A2ML1: variants seen among roughly 807,000 people sequenced by gnomAD.
The protein encoded by A2ML1 is alpha-2-macroglobulin-like protein 1.
Under a neutral mutation model 181.9 loss-of-function variants are expected in A2ML1, and 161 were observed. The observed-to-expected ratio is 0.89, with a 90% confidence interval of 0.78 to 1.01. The LOEUF (loss-of-function observed/expected upper bound fraction) is 1.01, where lower values mean the gene tolerates loss of function less well. A2ML1 is among the 50% of genes least tolerant of loss of function. The pLI, the probability that A2ML1 is intolerant of heterozygous loss-of-function variation, is 0.00. For missense variants in A2ML1, 1,670 were observed against 1,768.1 expected, an observed-to-expected ratio of 0.94 and a Z score of 1.00; for synonymous variants, 663 against 666.8, an observed-to-expected ratio of 0.99 and a Z score of 0.09.
At chr12:8,883,724 C>CA (rs1321946224) in intron 7 of A2ML1, among the ~76,000 whole-genome samples, 1 of 151,150 alleles carries the variant, frequency 6.6e-6, no homozygotes, top group East Asian at 2.0e-4. Flanking sequence ...GTGATCTGCC[C>CA]ACCTCGGCCT....
At chr12:8,858,141 T>G (rs1317532633) in intron 26 of A2ML1, 39 bp downstream of exon 26, 1 of 1,599,746 alleles carries the variant, frequency 6.3e-7, no homozygotes, top group East Asian at 2.2e-5. Context: ...AACCACTGTC[T>G]CGAAGGACCC....
chr12:8,826,597 G>A (rs1283115913), intron 3 of A2ML1, among the ~76,000 whole-genome samples: 3 of 151,992 alleles, frequency 2.0e-5, no homozygotes, highest in Admixed American at 6.6e-5. Context: ...ACAGGCATGC[G>A]CCACCATGCC....
chr12:8,851,754 T>G, intron 18 of A2ML1, 30 bp from the exon 19 acceptor site: 1 of 1,609,698 alleles, frequency 6.2e-7, no homozygotes, highest in Non-Finnish European at 8.5e-7. Flanking sequence ...ACGCTACCTC[T>G]GCCTCATGTT....
At chr12:8,863,472 C>G (rs533515832) in intron 28 of A2ML1, among the ~76,000 whole-genome samples, 1 of 152,158 alleles carries the variant, frequency 6.6e-6, no homozygotes, top group Middle Eastern at 3.4e-3. Flanking sequence ...AAAATTGCCC[C>G]CAAACACAGA....
At chr12:8,884,231 G>GTTTTTTTTTTTTTTTTTT (rs796251871) in intron 7 of A2ML1, among the ~76,000 whole-genome samples, 2 of 121,552 alleles carry the variant, frequency 1.6e-5, no homozygotes, top group Non-Finnish European at 3.5e-5. Context: ...TTTATTTTTT[G>GTTTTTTTTTTTTTTTTTT]TTTTTTTTTG....
chr12:8,851,506 A>G (rs1242506838), intron 18 of A2ML1, among the ~76,000 whole-genome samples: 1 of 151,970 alleles, frequency 6.6e-6, no homozygotes, highest in Admixed American at 6.6e-5. Flanking sequence ...CCTGGGCTCA[A>G]GCAATCCTCC....
Position 8,841,394 on chromosome 12 carries a change from CCT to C in A2ML1, c.1107_1108del (p.Phe370ProfsTer24). On this transcript the variant is annotated frameshift_variant, in exon 11 of 36. Coordinates refer to ENST00000299698, the MANE Select transcript of A2ML1 (RefSeq NM_144670.6). LOFTEE classifies it high-confidence loss of function. ...ATAAGAGTTAGGGGCCATGATGACT[CCT>C]TCCTCAAGAACCATCTAGTGTTTCT... 2 of 1,614,136 alleles carry C rather than the reference CCT, an allele frequency of 1.2e-6. No individual in the cohort carries two copies. Among genetic ancestry groups the C allele is most frequent in the Non-Finnish European group, 1.7e-6 (2 of 1,180,030 alleles).
rs761793377 is a variant in A2ML1, at chr12:8,837,647, C to T, written c.855+81C>T. 55 of 1,427,028 alleles carry T rather than the reference C, an allele frequency of 3.9e-5. 1 individual carries two copies. Among genetic ancestry groups the T allele is most frequent in the African/African-American group, 7.2e-5 (5 of 69,030 alleles). 88.4% of individuals were successfully genotyped at this position (1,427,028 alleles called of 1,614,324 possible). A position where few individuals can be genotyped will look rare whatever the true frequency, so the allele number is the denominator to read the frequency against. Reference sequence around the variant, plus strand: ...CTGTCATCCCAGCACTTTGGGAGGCCGAGATGGGCGGATCACGAGGTCAGG... The same window carrying T: ...CTGTCATCCCAGCACTTTGGGAGGCTGAGATGGGCGGATCACGAGGTCAGG... On this transcript the variant is annotated intron_variant, in intron 8 of 35. Coordinates refer to ENST00000299698, the MANE Select transcript of A2ML1 (RefSeq NM_144670.6).
At chr12:8,846,318 A>G (rs1943685505) in intron 14 of A2ML1, 96 bp downstream of exon 14, 8 of 1,437,774 alleles carry the variant, frequency 5.6e-6, no homozygotes, top group Non-Finnish European at 7.8e-6. Context: ...CAGGGAAAGA[A>G]GATAGTGTTG....
intron 28 of A2ML1, among the ~76,000 whole-genome samples, chr12:8,863,180 C>T (rs1485759554): frequency 1.3e-5 from 2 of 150,702 alleles, no homozygotes; most frequent in African/African-American, 4.9e-5. Flanking sequence ...GATCTCAGTT[C>T]ACCGCAACCT....
chr12:8,842,426 A>T lies in A2ML1; in HGVS notation c.1249-708A>T, dbSNP rs10743509. Among the ~76,000 whole-genome samples the T allele has an allele frequency of 7.2e-5, 11 of 151,878 alleles. 1 individual carries two copies. Among genetic ancestry groups the T allele is most frequent in the South Asian group, 6.2e-4 (3 of 4,816 alleles). ...AGTAGAGATGGGGTTTCACTGTGTTAGCCAGGATGGTCTCGATCTCCTGAC... is the reference window on the plus strand; with the variant it reads ...AGTAGAGATGGGGTTTCACTGTGTTTGCCAGGATGGTCTCGATCTCCTGAC... On this transcript the variant is annotated intron_variant, in intron 11 of 35. Transcript: ENST00000299698.
chr12:8,856,090 C>T (rs1395967524), intron 23 of A2ML1, among the ~76,000 whole-genome samples: 1 of 152,150 alleles, frequency 6.6e-6, no homozygotes, highest in East Asian at 1.9e-4. Context: ...GGCCTTCTTT[C>T]CTCTTCTGTA....
intron 33 of A2ML1, among the ~76,000 whole-genome samples, chr12:8,870,739 A>G (rs912376404): frequency 1.3e-5 from 2 of 152,030 alleles, no homozygotes; most frequent in African/African-American, 4.8e-5. Context: ...GGAGAGAGAG[A>G]GTGGGTTGTC....
rs547953731 is a variant in A2ML1, at chr12:8,882,027, A to G, written c.*94+1411A>G. Among the ~76,000 whole-genome samples the G allele has an allele frequency of 2.2e-4, 34 of 152,184 alleles. No individual in the cohort carries two copies. In the South Asian group the frequency reaches 6.7e-3, roughly 30 times the overall value. ...CTCTGTCTCAAAAAAAAAAAAGAAA[A>G]AAGTTTGAGAATGTGTAAGTCCTGA... On this transcript the variant is annotated intron_variant and NMD_transcript_variant, in intron 7 of 7. Transcript: ENST00000537475.
rs535927062 is a variant in A2ML1 at position 8,842,996 on chromosome 12, G to A, written c.1249-138G>A. On this transcript the variant is annotated intron_variant, in intron 11 of 35. Transcript: ENST00000299698. ...TTCTTTATCCATCCTTGGCTGGACC[G>A]CTAATGAAATACCCACATGCCATTC... The A allele has an allele frequency of 3.9e-4, 292 of 739,368 alleles. 5 individuals carry two copies. The South Asian group carries it at 4.5e-3, about 11-fold the overall frequency. The allele number at this position is 739,368 out of a possible 1,614,324, so 45.8% of individuals were successfully genotyped here. A position where few individuals can be genotyped will look rare whatever the true frequency, so the allele number is the denominator to read the frequency against.
downstream of A2ML1, among the ~76,000 whole-genome samples, chr12:8,879,663 A>C (rs1029979058): frequency 1.3e-5 from 2 of 152,230 alleles, no homozygotes; most frequent in Non-Finnish European, 2.9e-5. Context: ...TACATCTTAA[A>C]TGATTAGGAA....
intron 5 of A2ML1, 96 bp downstream of exon 5, chr12:8,834,778 T>G: frequency 1.3e-6 from 2 of 1,494,812 alleles, no homozygotes; most frequent in Non-Finnish European, 9.3e-7. Context: ...CTCTGAGATC[T>G]TGGCCCAGAG....
intron 26 of A2ML1, among the ~76,000 whole-genome samples, chr12:8,859,714 G>A (rs1020221312): frequency 6.6e-6 from 1 of 152,014 alleles, no homozygotes; most frequent in Admixed American, 6.6e-5. Flanking sequence ...ACAGGCATGT[G>A]CCACCATGCC....
chr12:8,850,963 T>C (rs773517211), intron 18 of A2ML1, among the ~76,000 whole-genome samples: 2 of 152,304 alleles, frequency 1.3e-5, no homozygotes, highest in South Asian at 2.1e-4. Flanking sequence ...AGTCTTGAAC[T>C]CCTGGCCTCA....
Sources: gnomAD v4.1 joint callset for allele counts (sites outside exome capture counted in the v4.1 genomes callset) on GRCh38, gnomAD v4.1.1 for gene constraint, MANE v1.5 for transcripts, NCBI Gene and HGNC (gene_info 2026-07-23, HGNC 2026-07-21) for gene names.